The following UNC5C variants were observed in gnomAD, a reference collection of about 807,000 sequenced individuals.
UNC5C encodes the protein unc-5 netrin receptor C.
A neutral mutation model predicts 99.8 loss-of-function variants in UNC5C; 47 were observed. The ratio of observed to expected loss-of-function variants is 0.47; its 90% CI spans 0.37 to 0.60. The LOEUF (loss-of-function observed/expected upper bound fraction) is 0.60, where lower values mean the gene tolerates loss of function less well. UNC5C is among the 20% of genes least tolerant of loss of function. UNC5C has a pLI of 0.00. For synonymous variants in UNC5C, 487 were observed against 452.2 expected, an observed-to-expected ratio of 1.08 and a Z score of -0.98; for missense variants, 1,062 against 1,165.9, an observed-to-expected ratio of 0.91 and a Z score of 1.30.
chr4:95,536,368 G>A (rs749229449), intron 1 of UNC5C, among the ~76,000 whole-genome samples: 8 of 151,968 alleles, frequency 5.3e-5, no homozygotes, highest in Non-Finnish European at 1.0e-4. Flanking sequence ...GAGCCATTGC[G>A]CCCAGCCACT....
At chr4:95,539,419 C>T (rs546599254) in intron 1 of UNC5C, among the ~76,000 whole-genome samples, 14 of 152,286 alleles carry the variant, frequency 9.2e-5, no homozygotes, top group East Asian at 7.7e-4. Context: ...GAAATGACTT[C>T]GCAATTTGCC....
chr4:95,181,322 C>G (rs760148778), intron 14 of UNC5C, among the ~76,000 whole-genome samples: 9 of 152,158 alleles, frequency 5.9e-5, no homozygotes, highest in Admixed American at 1.3e-4. Flanking sequence ...TCACACTATG[C>G]AAAACTGTCC....
intron 3 of UNC5C, 68 bp from the exon 4 acceptor site, chr4:95,278,430 A>T: frequency 7.5e-7 from 1 of 1,340,142 alleles, no homozygotes; most frequent in Non-Finnish European, 1.1e-6. Context: ...AGAGAGTACA[A>T]AAAATTTTCT....
At position 95,434,102 on chromosome 4, in the gene UNC5C, T is replaced by G. The variant is rs534494398; in HGVS notation, c.125-98471A>C. On this transcript the variant is annotated intron_variant, in intron 1 of 15. Coordinates refer to ENST00000453304, the MANE Select transcript of UNC5C (RefSeq NM_003728.4). ...TTCTTTGTTTAATGTCTGTGTGCTT[T>G]GTTAGTTTACATGTTCCATGATTGT... Among the ~76,000 whole-genome samples, 34 of 152,260 alleles carry G rather than the reference T, an allele frequency of 2.2e-4. No homozygotes were observed. The South Asian group carries it at 6.8e-3, about 31-fold the overall frequency.
chr4:95,243,517 TATG>T (rs1351045271), intron 6 of UNC5C, among the ~76,000 whole-genome samples: 1 of 152,150 alleles, frequency 6.6e-6, no homozygotes, highest in Non-Finnish European at 1.5e-5. Flanking sequence ...AATATATAAT[TATG>T]ATGATCAAGG....
chr4:95,544,241 A>C (rs1723001456), intron 1 of UNC5C, among the ~76,000 whole-genome samples: 2 of 152,146 alleles, frequency 1.3e-5, no homozygotes, highest in Non-Finnish European at 2.9e-5. Flanking sequence ...AAACATTGGT[A>C]ATCACTATGT....
intron 3 of UNC5C, among the ~76,000 whole-genome samples, chr4:95,289,918 T>C (rs191551986): frequency 4.3e-4 from 65 of 152,354 alleles, no homozygotes; most frequent in Non-Finnish European, 7.2e-4. Flanking sequence ...ATAGAGTATC[T>C]GATTTTTGCT....
chr4:95,323,823 G>A (rs939524134), intron 2 of UNC5C, among the ~76,000 whole-genome samples: 12 of 152,164 alleles, frequency 7.9e-5, no homozygotes, highest in African/African-American at 2.9e-4. Context: ...GGATCACGAA[G>A]TCAGGAGTTC....
At chr4:95,413,285 A>G (rs1746052056) in intron 1 of UNC5C, among the ~76,000 whole-genome samples, 2 of 152,104 alleles carry the variant, frequency 1.3e-5, no homozygotes, top group South Asian at 4.1e-4. Context: ...AGCACTGTAA[A>G]TGCAACGCAA....
At chr4:95,511,352 TG>T (rs1257278721) in intron 1 of UNC5C, among the ~76,000 whole-genome samples, 1 of 152,142 alleles carries the variant, frequency 6.6e-6, no homozygotes, top group African/African-American at 2.4e-5. Flanking sequence ...AGGATCAAAG[TG>T]TTTTCTGACG....
intron 12 of UNC5C, among the ~76,000 whole-genome samples, chr4:95,186,909 G>A (rs189582807): frequency 5.3e-5 from 8 of 152,148 alleles, no homozygotes; most frequent in East Asian, 1.9e-4. Context: ...AGCAGGCTCC[G>A]AGGGTCTCCC....
At chr4:95,380,423 A>C (rs1257206557) in intron 1 of UNC5C, among the ~76,000 whole-genome samples, 1 of 150,416 alleles carries the variant, frequency 6.6e-6, no homozygotes, top group Non-Finnish European at 1.5e-5. Context: ...ATTTTTCCTC[A>C]TGTCTAATAC....
intron 1 of UNC5C, among the ~76,000 whole-genome samples, chr4:95,437,484 C>T (rs918238494): frequency 1.3e-5 from 2 of 151,810 alleles, no homozygotes; most frequent in Non-Finnish European, 2.9e-5. Flanking sequence ...GAACTTGTAG[C>T]ACTTGGGAAA....
At chr4:95,209,163 A>G (rs528081188) in intron 10 of UNC5C, among the ~76,000 whole-genome samples, 1 of 152,272 alleles carries the variant, frequency 6.6e-6, no homozygotes, top group South Asian at 2.1e-4. Context: ...ACATTTTTGC[A>G]TCACCATTTC....
intron 4 of UNC5C, among the ~76,000 whole-genome samples, chr4:95,254,126 G>A (rs1030651328): frequency 3.3e-5 from 5 of 152,080 alleles, no homozygotes; most frequent in African/African-American, 1.2e-4. Context: ...AAACATCTTT[G>A]CCTTGAATCT....
At chr4:95,489,591 T>C (rs1224646133) in intron 1 of UNC5C, among the ~76,000 whole-genome samples, 2 of 151,678 alleles carry the variant, frequency 1.3e-5, no homozygotes, top group Non-Finnish European at 2.9e-5. Context: ...GTTAGATTAC[T>C]GCCATATTAT....
intron 1 of UNC5C, among the ~76,000 whole-genome samples, chr4:95,513,635 G>C (rs1722134126): frequency 6.6e-6 from 1 of 152,070 alleles, no homozygotes; most frequent in Non-Finnish European, 1.5e-5. Flanking sequence ...TTGTATTGCT[G>C]AATATATAGA....
At chr4:95,469,391 G>A (rs971350599) in intron 1 of UNC5C, among the ~76,000 whole-genome samples, 2 of 152,012 alleles carry the variant, frequency 1.3e-5, no homozygotes, top group Non-Finnish European at 2.9e-5. Context: ...TTTGGTTTAG[G>A]TTGTCATACA....
intron 1 of UNC5C, among the ~76,000 whole-genome samples, chr4:95,382,846 T>A (rs1745109196): frequency 6.6e-6 from 1 of 152,184 alleles, no homozygotes; most frequent in Non-Finnish European, 1.5e-5. Context: ...TTTGATGGGT[T>A]AGCTGTCAAA....
Sources: allele counts gnomAD v4.1 joint callset (sites outside exome capture counted in the v4.1 genomes callset), GRCh38; gene constraint gnomAD v4.1.1; transcripts MANE v1.5; gene names NCBI Gene and HGNC (gene_info 2026-07-23, HGNC 2026-07-21).